Variants in CASK observed in about 807,000 individuals in gnomAD.
CASK encodes the protein calcium/calmodulin dependent serine protein kinase, also known as peripheral plasma membrane protein CASK.
A neutral mutation model predicts 82.9 loss-of-function variants in CASK; 4 were observed. That is an observed-to-expected ratio of 0.05 (90% confidence interval 0.02 to 0.11). The LOEUF (loss-of-function observed/expected upper bound fraction) is 0.11, where lower values mean the gene tolerates loss of function less well. Among genes scored for constraint, CASK ranks in the 10% least tolerant of loss-of-function variants. The probability of loss-of-function intolerance (pLI) is 1.00; values close to 1 mark genes in which losing one functional copy is unlikely to be tolerated. For synonymous variants in CASK, 259 were observed against 253.5 expected (o/e 1.02, Z -0.20); for missense variants, 358 against 720.9 (o/e 0.50, Z 5.76).
intron 8 of CASK, among the ~76,000 whole-genome samples, chrX:41,645,075 C>T (rs1484615375): frequency 9.0e-6 from 1 of 110,919 alleles, no homozygotes; most frequent in Non-Finnish European, 1.9e-5. Flanking sequence ...TACACCTATT[C>T]GCACACTCCT....
At chrX:41,858,465 G>C (rs1322165133) in intron 1 of CASK, among the ~76,000 whole-genome samples, 1 of 112,097 alleles carries the variant, frequency 8.9e-6, no homozygotes, top group Non-Finnish European at 1.9e-5. Flanking sequence ...GCAGGCATCA[G>C]GGAGCTGAAG....
intron 7 of CASK, among the ~76,000 whole-genome samples, chrX:41,664,628 T>C (rs1264573784): frequency 8.9e-6 from 1 of 112,219 alleles, no homozygotes; most frequent in Non-Finnish European, 1.9e-5. Flanking sequence ...GCTGGGGTAG[T>C]GAAATCAACT....
rs185817833 is a variant in CASK at position 41,771,675 on chromosome X, A to C, written c.278+15503T>G. 1.6e-3 allele frequency among the ~76,000 whole-genome samples: 181 copies of C among 111,687 alleles called. 1 individual carries two copies. The highest frequency in any genetic ancestry group is 2.9e-3 in the Non-Finnish European group (155 of 53,168). On this transcript the variant is annotated intron_variant, in intron 3 of 26. Transcript: ENST00000378163. ...AATTTCTGGGATATACACTAAGATAACAGAAAAGAGTGCTTAAACTTCAAA... is the reference window on the plus strand; with the variant it reads ...AATTTCTGGGATATACACTAAGATACCAGAAAAGAGTGCTTAAACTTCAAA...
chrX:41,532,119 A>G, intron 24 of CASK, among the ~76,000 whole-genome samples: 2 of 111,097 alleles, frequency 1.8e-5, no homozygotes, highest in South Asian at 7.7e-4. Context: ...TATTTCCAAC[A>G]GAGACGGGGT....
intron 2 of CASK, among the ~76,000 whole-genome samples, chrX:41,810,807 G>C (rs1011190366): frequency 1.8e-5 from 2 of 111,683 alleles, no homozygotes; most frequent in African/African-American, 3.3e-5. Flanking sequence ...AAAGAGTCAA[G>C]ACCCATCAGT....
rs1014625399 is a variant in CASK at position 41,753,308 on chromosome X, A to G, written c.279-7707T>C. The stretch of plus-strand genomic sequence containing the variant: ...TTTGTCATAGGAAATCAGTTCTGTT[A>G]AAAAAAAAAAGCAGAATGCAGATGA... On this transcript the variant is annotated intron_variant, in intron 3 of 26. Transcript: ENST00000378163. 6.9e-5 allele frequency among the ~76,000 whole-genome samples: 7 copies of G among 101,100 alleles called. No individual in the cohort carries two copies. In the South Asian group the frequency reaches 2.5e-3, roughly 36 times the overall value. 87.8% of individuals were successfully genotyped at this position (101,100 alleles called of 115,157 possible). A position where few individuals can be genotyped will look rare whatever the true frequency, so the allele number is the denominator to read the frequency against.
intron 5 of CASK, among the ~76,000 whole-genome samples, chrX:41,710,911 A>C (rs1019872717): frequency 1.8e-5 from 2 of 112,415 alleles, no homozygotes; most frequent in Non-Finnish European, 3.8e-5. Flanking sequence ...GAACTTGTGG[A>C]GTTTCCCAGA....
At chrX:41,641,334 T>C (rs1198178671) in intron 8 of CASK, among the ~76,000 whole-genome samples, 1 of 111,997 alleles carries the variant, frequency 8.9e-6, no homozygotes, top group African/African-American at 3.2e-5. Context: ...ACATGAGATT[T>C]GGAAAACACG....
At chrX:41,845,298 A>G (rs960083169) in intron 2 of CASK, among the ~76,000 whole-genome samples, 2 of 111,539 alleles carry the variant, frequency 1.8e-5, no homozygotes, top group Non-Finnish European at 3.8e-5. Context: ...TCCAATTATT[A>G]TTGCTGAATT....
intron 8 of CASK, among the ~76,000 whole-genome samples, chrX:41,650,009 C>A (rs1222927025): frequency 1.8e-5 from 2 of 111,127 alleles, no homozygotes; most frequent in African/African-American, 6.5e-5. Context: ...TATGTAATGG[C>A]CTTCTTTGTC....
rs751512048 is a variant in CASK, at chrX:41,723,049, T to C, written c.429+16335A>G. On this transcript the variant is annotated intron_variant, in intron 5 of 26. Coordinates refer to ENST00000378163, the MANE Select transcript of CASK (RefSeq NM_001367721.1). ...TAAGTAAATGGTGGCAAGGCAAAGA[T>C]GAACAGCAGCAGAACACAATCTGGA... Among the ~76,000 whole-genome samples, 12 of 112,149 alleles carry C rather than the reference T, an allele frequency of 1.1e-4. No homozygotes were observed. In the South Asian group the frequency reaches 4.0e-3, roughly 38 times the overall value.
chrX:41,781,084 G>A (rs2069465774), intron 3 of CASK, among the ~76,000 whole-genome samples: 1 of 111,568 alleles, frequency 9.0e-6, no homozygotes, highest in South Asian at 3.7e-4. Context: ...GGGACTACAG[G>A]TGTGTGCCAC....
intron 4 of CASK, among the ~76,000 whole-genome samples, chrX:41,740,670 A>G (rs959201230): frequency 3.6e-5 from 4 of 112,031 alleles, no homozygotes; most frequent in African/African-American, 1.3e-4. Flanking sequence ...AAACAAAAAC[A>G]AACCCAAGCC....
At chrX:41,560,262 T>TTTTA (rs1167264993) in intron 17 of CASK, among the ~76,000 whole-genome samples, 2 of 111,318 alleles carry the variant, frequency 1.8e-5, no homozygotes, top group South Asian at 7.6e-4. Context: ...TTTAAAAATT[T>TTTTA]TTTATTTATT....
chrX:41,787,987 C>A (rs1021745900), intron 2 of CASK, among the ~76,000 whole-genome samples: 3 of 109,728 alleles, frequency 2.7e-5, no homozygotes, highest in Middle Eastern at 9.3e-3. Flanking sequence ...GAAATCACAT[C>A]TCTACTAAAA....
intron 14 of CASK, among the ~76,000 whole-genome samples, chrX:41,582,549 G>A (rs983269044): frequency 9.0e-6 from 1 of 111,189 alleles, no homozygotes; most frequent in Non-Finnish European, 1.9e-5. Flanking sequence ...TCCTGACCTC[G>A]TGATCCGTCC....
chrX:41,806,449 C>A (rs1032807049), intron 2 of CASK, among the ~76,000 whole-genome samples: 5 of 112,204 alleles, frequency 4.5e-5, no homozygotes. Flanking sequence ...GTTACTGGAT[C>A]AGCTACTGTG....
At chrX:41,741,739 C>T (rs1019849591) in intron 4 of CASK, among the ~76,000 whole-genome samples, 3 of 111,712 alleles carry the variant, frequency 2.7e-5, no homozygotes, top group South Asian at 3.8e-4. Context: ...CATGATCCTG[C>T]GAGGCAATGC....
intron 5 of CASK, among the ~76,000 whole-genome samples, chrX:41,703,852 C>T (rs1012518960): frequency 8.9e-6 from 1 of 112,221 alleles, no homozygotes; most frequent in Non-Finnish European, 1.9e-5. Context: ...CACAACCTTA[C>T]CAACACTTGG....
Sources: gnomAD v4.1 joint callset for allele counts (sites outside exome capture counted in the v4.1 genomes callset) on GRCh38, gnomAD v4.1.1 for gene constraint, MANE v1.5 for transcripts, NCBI Gene and HGNC (gene_info 2026-07-23, HGNC 2026-07-21) for gene names.